The following IFIT5 variants were observed in gnomAD, a reference collection of about 807,000 sequenced individuals.
IFIT5 encodes interferon induced protein with tetratricopeptide repeats 5, also known as interferon-induced protein with tetratricopeptide repeats 5.
Under a neutral mutation model 5.0 loss-of-function variants are expected in IFIT5, and 2 were observed. The ratio of observed to expected loss-of-function variants is 0.40; its 90% CI spans 0.16 to 1.26. The LOEUF (loss-of-function observed/expected upper bound fraction) is 1.26, where lower values mean the gene tolerates loss of function less well. IFIT5 is among the 50% of genes most tolerant of loss of function. The pLI is 0.33. For missense variants in IFIT5, 524 were observed against 563.2 expected, an observed-to-expected ratio of 0.93 and a Z score of 0.70; for synonymous variants, 206 against 204.6, an observed-to-expected ratio of 1.01 and a Z score of -0.06.
intron 1 of IFIT5, among the ~76,000 whole-genome samples, chr10:89,416,015 C>G (rs1266369536): frequency 1.3e-5 from 2 of 152,218 alleles, no homozygotes; most frequent in Admixed American, 1.3e-4. Flanking sequence ...CTCCGCCTCC[C>G]GGGTTCAAGC....
chr10:89,415,944 ACGGAGTCT>A (rs1841531998), intron 1 of IFIT5, among the ~76,000 whole-genome samples: 1 of 152,184 alleles, frequency 6.6e-6, no homozygotes, highest in African/African-American at 2.4e-5. Context: ...TATTTTTGAG[ACGGAGTCT>A]CGCCCTGTCA....
rs976964106 is a variant in IFIT5, at chr10:89,419,405, AATTAATTTT to A, written c.*761_*769del. 5.9e-5 allele frequency: 9 copies of A among 151,976 alleles called. No homozygotes were observed. Among genetic ancestry groups the A allele is most frequent in the African/African-American group, 2.2e-4 (9 of 41,380 alleles). 9.4% of individuals were successfully genotyped at this position (151,976 alleles called of 1,614,324 possible). ...ACAAATCTGCAATGAATCTAGATGC[AATTAATTTT>A]ATTCCTTCCAACTAAAATTACAATA... On this transcript the variant is annotated 3_prime_UTR_variant, in exon 2 of 2. Coordinates refer to ENST00000371795, the MANE Select transcript of IFIT5 (RefSeq NM_012420.3).
chr10:89,417,317 CAA>C lies in IFIT5; in HGVS notation c.119_120del (p.Gln40ProfsTer3). 6.2e-7 allele frequency: 1 copy of C among 1,614,160 alleles called. No homozygotes were observed. The highest frequency in any genetic ancestry group is 1.1e-5 in the South Asian group (1 of 91,080). ...DLFEVEDTIGQQLEFLTTKSR... is the reference protein window; with the variant it reads ...DLFEVEDTIGXQLEFLTTKSR... The stretch of plus-strand genomic sequence containing the variant: ...GTTTGAGGTAGAAGATACAATTGGG[CAA>C]CAGCTTGAATTTCTTACCACAAAAT... On this transcript the variant is annotated frameshift_variant, in exon 2 of 2. Transcript: ENST00000371795. LOFTEE classifies it low-confidence loss of function (END_TRUNC).
rs142605779 is a variant in IFIT5, at chr10:89,417,944, C to T, written c.745C>T (p.Pro249Ser). Residue 249 changes from proline (P) to serine (S), a missense_variant, in exon 2 of 2, where the codon CCT becomes TCT. Coordinates refer to ENST00000371795, the MANE Select transcript of IFIT5 (RefSeq NM_012420.3). The stretch of plus-strand genomic sequence containing the variant: ...AATCCTGGACCAAATATCATCCCAG[C>T]CTTACGTCCTTCGTTATGCAGCCAA... ...EEILDQISSQ[P>S]YVLRYAAKFY... 2.6e-5 allele frequency: 42 copies of T among 1,614,030 alleles called. 1 individual carries two copies. The Admixed American group carries it at 6.8e-4, about 26-fold the overall frequency.
chr10:89,419,187 T>C lies in IFIT5; in HGVS notation c.*539T>C, dbSNP rs767333145. 12 of 152,166 alleles carry C rather than the reference T, an allele frequency of 7.9e-5. No individual in the cohort carries two copies. Among genetic ancestry groups the C allele is most frequent in the Non-Finnish European group, 1.2e-4 (8 of 68,004 alleles). 9.4% of individuals were successfully genotyped at this position (152,166 alleles called of 1,614,324 possible). ...TGGAAAAAAGTTTATAATAAAAAAG[T>C]TTGTCATCTCTAGTGACTTCAATAA... On this transcript the variant is annotated 3_prime_UTR_variant, in exon 2 of 2. Transcript: ENST00000371795.
chr10:89,414,922 GC>G, intron 1 of IFIT5, 119 bp downstream of exon 1: 1 of 1,320,052 alleles, frequency 7.6e-7, no homozygotes, highest in East Asian at 2.9e-5. Flanking sequence ...AGCCCCTCGC[GC>G]CCAGCAACCG....
At position 89,418,466 on chromosome 10, in the gene IFIT5, T is replaced by C. The variant is rs763808953; in HGVS notation, c.1267T>C (p.Leu423=). ...CAAACTGACAAGTGCTCTGAAGAAA[T>C]TGTCTACCAAGAGACTTTGTCACAA... ...RTKLTSALKK[L]STKRLCHNAL... The change falls in exon 2 of 2, where the codon TTG becomes CTG. Residue 423 remains leucine (L), a synonymous_variant. Transcript: ENST00000371795. 25 of 1,614,024 alleles carry C rather than the reference T, an allele frequency of 1.5e-5. No individual in the cohort carries two copies. The highest frequency in any genetic ancestry group is 2.7e-5 in the African/African-American group (2 of 74,908).
At position 89,417,301 on chromosome 10, in the gene IFIT5, A is replaced by G. The variant is rs1841548179; in HGVS notation, c.102A>G (p.Val34=). ...LLKEDIDLFE[V]EDTIGQQLEF... ...AGGAAGACATTGATCTGTTTGAGGTAGAAGATACAATTGGGCAACAGCTTG... is the reference window on the plus strand; with the variant it reads ...AGGAAGACATTGATCTGTTTGAGGTGGAAGATACAATTGGGCAACAGCTTG... Residue 34 remains valine (V), a synonymous_variant, in exon 2 of 2, where the codon GTA becomes GTG. Coordinates refer to ENST00000371795, the MANE Select transcript of IFIT5 (RefSeq NM_012420.3). The G allele has an allele frequency of 1.2e-6, 2 of 1,614,192 alleles. No homozygotes were observed. The highest frequency in any genetic ancestry group is 1.3e-5 in the African/African-American group (1 of 75,074).
chr10:89,417,350 C>T lies in IFIT5; in HGVS notation c.151C>T (p.Leu51Phe), dbSNP rs1405388211. 1.9e-6 allele frequency: 3 copies of T among 1,614,040 alleles called. No individual in the cohort carries two copies. Among genetic ancestry groups the T allele is most frequent in the Admixed American group, 3.3e-5 (2 of 59,996 alleles). ...TGAATTTCTTACCACAAAATCTAGA[C>T]TTGCTCTTTATAACCTATTGGCCTA... ...QLEFLTTKSR[L>F]ALYNLLAYVK... Residue 51 changes from leucine to phenylalanine, a missense_variant, in exon 2 of 2, where the codon CTT becomes TTT. Physicochemically the swap from Leu to Phe is conservative, Grantham distance 22. Coordinates refer to ENST00000371795, the MANE Select transcript of IFIT5 (RefSeq NM_012420.3).
At position 89,417,281 on chromosome 10, in the gene IFIT5, G is replaced by A. The variant is rs994810951; in HGVS notation, c.82G>A (p.Asp28Asn). Residue 28 changes from aspartate to asparagine, a missense_variant, in exon 2 of 2, where the codon GAC (aspartate) becomes AAC (asparagine). Asp to Asn is a conservative substitution (Grantham distance 23). Coordinates refer to ENST00000371795, the MANE Select transcript of IFIT5 (RefSeq NM_012420.3). ...CHFTWNLLKE[D>N]IDLFEVEDTI... is the part of the protein sequence containing the mutation. ...TTTTACATGGAATTTACTTAAGGAA[G>A]ACATTGATCTGTTTGAGGTAGAAGA... 6.2e-7 allele frequency: 1 copy of A among 1,613,920 alleles called. No individual in the cohort carries two copies. The highest frequency in any genetic ancestry group is 2.2e-5 in the East Asian group (1 of 44,896).
Position 89,418,342 on chromosome 10 carries a change from C to T in IFIT5, c.1143C>T (p.His381=), listed in dbSNP as rs758875716. 3 of 1,614,060 alleles carry T rather than the reference C, an allele frequency of 1.9e-6. No individual in the cohort carries two copies. Among genetic ancestry groups the T allele is most frequent in the East Asian group, 4.5e-5 (2 of 44,906 alleles). Residue 381 remains histidine, a synonymous_variant, in exon 2 of 2, where the codon CAC becomes CAT. Coordinates refer to ENST00000371795, the MANE Select transcript of IFIT5 (RefSeq NM_012420.3). The part of the protein sequence containing the change: ...TDDHKHQIHY[H]YGRFQEFHRK... The stretch of plus-strand genomic sequence containing the variant: ...ATCACAAACATCAGATCCATTACCA[C>T]TATGGCCGCTTTCAGGAATTTCACC...
chr10:89,415,147 C>T (rs1262528131), intron 1 of IFIT5, among the ~76,000 whole-genome samples: 3 of 152,210 alleles, frequency 2.0e-5, no homozygotes, highest in Non-Finnish European at 4.4e-5. Context: ...AGGGTATGTG[C>T]CGGGCGACGC....
At chr10:89,416,327 G>A (rs761092581) in intron 1 of IFIT5, among the ~76,000 whole-genome samples, 42 of 152,168 alleles carry the variant, frequency 2.8e-4, no homozygotes, top group Non-Finnish European at 5.9e-4. Context: ...AGACGGTGGC[G>A]TGCACCGTAT....
chr10:89,414,667 A>T lies in IFIT5; in HGVS notation c.-132A>T. 9.6e-7 allele frequency: 1 copy of T among 1,038,406 alleles called. No individual in the cohort carries two copies. The highest frequency in any genetic ancestry group is 1.3e-6 in the Non-Finnish European group (1 of 757,034). 64.3% of individuals were successfully genotyped at this position (1,038,406 alleles called of 1,614,324 possible). On this transcript the variant is annotated 5_prime_UTR_variant, in exon 1 of 2. Transcript: ENST00000371795. ...AAAGACACGCCGCGCGGCCGAGTCC[A>T]GGGGCTGCAGAGGCCTGGCGCGCGC...
chr10:89,414,659 C>A lies in IFIT5; in HGVS notation c.-140C>A. On this transcript the variant is annotated 5_prime_UTR_variant, in exon 1 of 2. Transcript: ENST00000371795. ...CCTTTAACAAAGACACGCCGCGCGGCCGAGTCCAGGGGCTGCAGAGGCCTG... is the reference window on the plus strand; with the variant it reads ...CCTTTAACAAAGACACGCCGCGCGGACGAGTCCAGGGGCTGCAGAGGCCTG... 1.1e-6 allele frequency: 1 copy of A among 890,436 alleles called. No individual in the cohort carries two copies. Among genetic ancestry groups the A allele is most frequent in the Non-Finnish European group, 1.6e-6 (1 of 630,616 alleles). 55.2% of individuals were successfully genotyped at this position (890,436 alleles called of 1,614,324 possible).
At chr10:89,416,662 T>C (rs11203117) in intron 1 of IFIT5, among the ~76,000 whole-genome samples, 3,140 of 152,342 alleles carry the variant, frequency 0.021, 45 homozygotes, top group Non-Finnish European at 0.037. Flanking sequence ...CTCATCCTCC[T>C]TGGGCTGGGC....
rs368649132 is a variant in IFIT5, at chr10:89,417,681, C to T, written c.482C>T (p.Ala161Val). The change falls in exon 2 of 2, where the codon GCG becomes GTG. Residue 161 changes from alanine (A) to valine (V), a missense_variant. Ala to Val is a moderately conservative substitution (Grantham distance 64, BLOSUM62 0). Transcript: ENST00000371795. ...FGGKYYQKAK[A>V]AFEKALEVEP... ...GGAAAGTATTATCAAAAGGCTAAAG[C>T]GGCTTTTGAGAAGGCTCTGGAAGTG... 3.7e-5 allele frequency: 59 copies of T among 1,614,028 alleles called. No individual in the cohort carries two copies. Among genetic ancestry groups the T allele is most frequent in the East Asian group, 1.3e-4 (6 of 44,896 alleles).
At position 89,417,583 on chromosome 10, in the gene IFIT5, C is replaced by T; in HGVS notation, c.384C>T (p.Ser128=). 6.2e-7 allele frequency: 1 copy of T among 1,614,192 alleles called. No homozygotes were observed. The highest frequency in any genetic ancestry group is 8.5e-7 in the Non-Finnish European group (1 of 1,180,036). ...GKIGNVCKKL[S]SPSNYKLECP... is the part of the protein sequence containing the mutation. ...TAGGGAATGTCTGTAAGAAATTGTC[C>T]AGTCCTTCTAACTACAAGTTGGAGT... Residue 128 remains serine, a synonymous_variant, in exon 2 of 2, where the codon TCC becomes TCT. Coordinates refer to ENST00000371795, the MANE Select transcript of IFIT5 (RefSeq NM_012420.3).
rs771476722 is a variant in IFIT5 at position 89,417,837 on chromosome 10, A to G, written c.638A>G (p.Asp213Gly). ...PLRKAVTLNPDNSYIKVFLAL... is the reference protein window; with the variant it reads ...PLRKAVTLNPGNSYIKVFLAL... ...AGAAAGGCTGTTACCCTGAACCCAG[A>G]TAACAGCTATATTAAGGTTTTTCTG... Residue 213 changes from aspartate (D) to glycine (G), a missense_variant, in exon 2 of 2, where the codon GAT (aspartate) becomes GGT (glycine). Transcript: ENST00000371795. 6.2e-7 allele frequency: 1 copy of G among 1,614,208 alleles called. No homozygotes were observed. Among genetic ancestry groups the G allele is most frequent in the South Asian group, 1.1e-5 (1 of 91,086 alleles).
Sources: gnomAD v4.1 joint callset for allele counts (sites outside exome capture counted in the v4.1 genomes callset) on GRCh38, gnomAD v4.1.1 for gene constraint, MANE v1.5 for transcripts, NCBI Gene and HGNC (gene_info 2026-07-23, HGNC 2026-07-21) for gene names.